DOCK2: variants seen among roughly 807,000 people sequenced by gnomAD.
DOCK2 encodes the protein dedicator of cytokinesis 2.
A neutral mutation model predicts 248.9 loss-of-function variants in DOCK2; 87 were observed. That is an observed-to-expected ratio of 0.35 (90% CI 0.29 to 0.42). The LOEUF (loss-of-function observed/expected upper bound fraction) is 0.42, where lower values mean the gene tolerates loss of function less well. Among genes scored for constraint, DOCK2 ranks in the 10% least tolerant of loss-of-function variants. DOCK2 has a pLI of 1.00. For missense variants in DOCK2, 1,747 were observed against 2,300.2 expected (o/e 0.76, Z 4.92); for synonymous variants, 805 against 821.6 (o/e 0.98, Z 0.35).
At chr5:169,844,382 G>A (rs72841192) in intron 27 of DOCK2, among the ~76,000 whole-genome samples, 17,579 of 152,214 alleles carry the variant, frequency 0.12, 1,194 homozygotes, top group Admixed American at 0.18. Flanking sequence ...CTGTGTGTGC[G>A]TGATGGGGCT....
At chr5:169,758,276 T>G (rs577497629) in intron 23 of DOCK2, among the ~76,000 whole-genome samples, 1 of 152,260 alleles carries the variant, frequency 6.6e-6, no homozygotes, top group Admixed American at 6.5e-5. Context: ...TACACACACA[T>G]GCACATGTAG....
intron 36 of DOCK2, among the ~76,000 whole-genome samples, chr5:170,039,654 C>G (rs1247666225): frequency 6.6e-6 from 1 of 152,200 alleles, no homozygotes; most frequent in African/African-American, 2.4e-5. Context: ...ACCCACTGAC[C>G]CATTTTATGT....
chr5:169,653,748 A>T (rs1757937143), intron 1 of DOCK2, among the ~76,000 whole-genome samples: 1 of 152,232 alleles, frequency 6.6e-6, no homozygotes, highest in African/African-American at 2.4e-5. Context: ...AGGTCATTGC[A>T]GGTGGACCTG....
At chr5:169,819,955 G>A (rs1419182888) in intron 26 of DOCK2, among the ~76,000 whole-genome samples, 2 of 152,182 alleles carry the variant, frequency 1.3e-5, no homozygotes, top group Non-Finnish European at 2.9e-5. Flanking sequence ...CTTAGCAAAC[G>A]GCACACCAGG....
intron 22 of DOCK2, among the ~76,000 whole-genome samples, chr5:169,726,652 A>G (rs1417032023): frequency 6.6e-6 from 1 of 152,172 alleles, no homozygotes; most frequent in African/African-American, 2.4e-5. Flanking sequence ...GGCACCTATT[A>G]TGTGCTAGGC....
intron 13 of DOCK2, 52 bp from the exon 14 acceptor site, chr5:169,702,251 C>T (rs1761012059): frequency 6.3e-7 from 1 of 1,598,738 alleles, no homozygotes; most frequent in South Asian, 1.1e-5. Context: ...TAGTCAGCGT[C>T]TCTCCTGCTG....
intron 27 of DOCK2, among the ~76,000 whole-genome samples, chr5:169,975,214 A>T (rs2161366): frequency 1.3e-5 from 2 of 151,998 alleles, no homozygotes; most frequent in Non-Finnish European, 2.9e-5. Flanking sequence ...TTTAAAACAT[A>T]ATTTGTGCTT....
intron 26 of DOCK2, among the ~76,000 whole-genome samples, chr5:169,821,378 G>T (rs574805098): frequency 6.6e-6 from 1 of 152,104 alleles, no homozygotes; most frequent in African/African-American, 2.4e-5. Flanking sequence ...GAGAAAGGTC[G>T]GGTTACCCAC....
At chr5:169,663,412 G>A (rs924832478) in intron 2 of DOCK2, among the ~76,000 whole-genome samples, 1 of 152,220 alleles carries the variant, frequency 6.6e-6, no homozygotes. Context: ...AGCTCCACTA[G>A]GCAGTGCCTC....
chr5:169,890,351 C>G (rs1405903239), intron 27 of DOCK2, among the ~76,000 whole-genome samples: 1 of 152,172 alleles, frequency 6.6e-6, no homozygotes, highest in African/African-American at 2.4e-5. Flanking sequence ...CACCTCTGGG[C>G]CTTGTGGTTC....
At chr5:169,811,809 G>A (rs1489242554) in intron 26 of DOCK2, among the ~76,000 whole-genome samples, 1 of 152,144 alleles carries the variant, frequency 6.6e-6, no homozygotes, top group East Asian at 1.9e-4. Flanking sequence ...CAGCCTCTCA[G>A]GCACCACGTT....
rs547917254 is a variant in DOCK2 at position 169,909,046 on chromosome 5, C to G, written c.2799+68194C>G. 3.3e-5 allele frequency among the ~76,000 whole-genome samples: 5 copies of G among 152,252 alleles called. No individual in the cohort carries two copies. In the East Asian group the frequency reaches 7.7e-4, roughly 23 times the overall value. ...TGTCAGCCCCTAGAGTGAATGTGAG[C>G]GAGGCTGAGCCAGGCTGCCTGCTTT... On this transcript the variant is annotated intron_variant, in intron 27 of 51. Coordinates refer to ENST00000520908, the MANE Select transcript of DOCK2 (RefSeq NM_004946.3).
intron 27 of DOCK2, among the ~76,000 whole-genome samples, chr5:169,971,283 G>A (rs7702092): frequency 0.32 from 48,038 of 152,006 alleles, 7,923 homozygotes; most frequent in Admixed American, 0.38. Flanking sequence ...TGCCAGAGAA[G>A]GAGCCAGCCT....
intron 1 of DOCK2, among the ~76,000 whole-genome samples, chr5:169,642,788 C>T (rs1757220618): frequency 6.6e-6 from 1 of 152,168 alleles, no homozygotes; most frequent in South Asian, 2.1e-4. Context: ...GGACATCTTG[C>T]CCCTGACCAT....
chr5:169,804,495 CGTGCGCGT>C (rs5873192), intron 26 of DOCK2, among the ~76,000 whole-genome samples: 56,911 of 142,152 alleles, frequency 0.4, 13,486 homozygotes, highest in Non-Finnish European at 0.5. Flanking sequence ...TGCGCGCGCG[CGTGCGCGT>C]AAGCATTTTT....
chr5:169,980,198 A>G (rs1400005955), intron 27 of DOCK2: 2 of 152,136 alleles, frequency 1.3e-5, no homozygotes, highest in East Asian at 1.9e-4. Flanking sequence ...TTAAAAGTAA[A>G]CTATTGTCCA....
intron 26 of DOCK2, among the ~76,000 whole-genome samples, chr5:169,822,584 C>A (rs1015536715): frequency 6.6e-6 from 1 of 152,046 alleles, no homozygotes; most frequent in Non-Finnish European, 1.5e-5. Flanking sequence ...AACAAAGACA[C>A]AACACGCCAG....
intron 36 of DOCK2, among the ~76,000 whole-genome samples, chr5:170,037,045 G>C (rs1756346642): frequency 6.6e-6 from 1 of 152,056 alleles, no homozygotes; most frequent in South Asian, 2.1e-4. Flanking sequence ...CTGAAGCAAA[G>C]AACTCCTTTG....
intron 26 of DOCK2, among the ~76,000 whole-genome samples, chr5:169,828,969 C>T (rs1167650100): frequency 6.6e-6 from 1 of 152,194 alleles, no homozygotes; most frequent in African/African-American, 2.4e-5. Flanking sequence ...TAAGAGGGGG[C>T]AGCTCCGAGT....
Sources: allele counts gnomAD v4.1 joint callset (sites outside exome capture counted in the v4.1 genomes callset), GRCh38; gene constraint gnomAD v4.1.1; transcripts MANE v1.5; gene names NCBI Gene and HGNC (gene_info 2026-07-23, HGNC 2026-07-21).